Variants in MELK observed in about 807,000 individuals in gnomAD.
The protein encoded by MELK is pEg3 kinase.
MELK carries 81 observed loss-of-function variants against 85.0 expected under a neutral mutation model. The observed-to-expected ratio is 0.95, with a 90% confidence interval of 0.80 to 1.15. MELK has a LOEUF of 1.15. MELK is among the 50% of genes most tolerant of loss of function. The pLI is 0.00. For synonymous variants in MELK, 252 were observed against 265.0 expected (o/e 0.95, Z 0.48); for missense variants, 754 against 777.5 (o/e 0.97, Z 0.36).
At position 36,665,378 on chromosome 9, in the gene MELK, G is replaced by A. The variant is rs747238174; in HGVS notation, c.1205G>A (p.Gly402Glu). 6 of 1,612,898 alleles carry A rather than the reference G, an allele frequency of 3.7e-6. No homozygotes were observed. Among genetic ancestry groups the A allele is most frequent in the Non-Finnish European group, 5.1e-6 (6 of 1,179,446 alleles). The part of the protein sequence containing the change: ...QFTKYWTESN[G>E]VESKSLTPAL... ...ACCAAGTACTGGACAGAATCAAATG[G>A]GGTGGAATCTAAATCATTAACTCCA... The change falls in exon 14 of 18, where the codon GGG becomes GAG. Residue 402 changes from glycine to glutamate, a missense_variant. By Grantham distance (98) the Gly-to-Glu change is moderately conservative (BLOSUM62 -2). Transcript: ENST00000298048.
intron 1 of MELK, among the ~76,000 whole-genome samples, chr9:36,574,532 G>A (rs368969218): frequency 2.6e-5 from 4 of 151,688 alleles, no homozygotes; most frequent in African/African-American, 9.7e-5. Context: ...GAACCCAGGA[G>A]GCGGAGGTTG....
chr9:36,616,387 CTTTT>C (rs60212848), intron 8 of MELK, among the ~76,000 whole-genome samples: 5 of 114,630 alleles, frequency 4.4e-5, no homozygotes, highest in Admixed American at 8.9e-5. Flanking sequence ...ATGTCAAACT[CTTTT>C]TTTTTTTTTT....
chr9:36,673,968 A>G (rs1364330105), intron 16 of MELK, among the ~76,000 whole-genome samples: 4 of 151,808 alleles, frequency 2.6e-5, no homozygotes, highest in Admixed American at 2.0e-4. Flanking sequence ...GTATCACACT[A>G]TGAGAAGCAC....
intron 1 of MELK, among the ~76,000 whole-genome samples, chr9:36,574,563 A>G (rs1821446035): frequency 6.6e-6 from 1 of 151,590 alleles, no homozygotes; most frequent in African/African-American, 2.4e-5. Flanking sequence ...AGATCTAGCT[A>G]CTGCACTCCA....
At chr9:36,674,798 A>C in intron 16 of MELK, 36 bp from the exon 17 acceptor site, 1 of 1,323,204 alleles carries the variant, frequency 7.6e-7, no homozygotes, top group Non-Finnish European at 1.1e-6. Context: ...GTTGATGTAA[A>C]AATTTACTTC....
At chr9:36,626,839 A>T (rs992120016) in intron 8 of MELK, among the ~76,000 whole-genome samples, 27 of 151,764 alleles carry the variant, frequency 1.8e-4, no homozygotes, top group African/African-American at 4.1e-4. Context: ...GGCACCCGTA[A>T]TCCCAGCTAC....
At chr9:36,664,645 C>T (rs951127024) in intron 13 of MELK, among the ~76,000 whole-genome samples, 9 of 152,284 alleles carry the variant, frequency 5.9e-5, no homozygotes, top group Admixed American at 1.3e-4. Context: ...CTTGCCTATT[C>T]CCTTTGAAGA....
At chr9:36,653,126 T>C (rs1021257319) in intron 12 of MELK, among the ~76,000 whole-genome samples, 10 of 152,216 alleles carry the variant, frequency 6.6e-5, no homozygotes, top group Non-Finnish European at 1.2e-4. Context: ...TGTCTCAGTT[T>C]TGTCATGGAC....
intron 2 of MELK, 73 bp downstream of exon 2, chr9:36,581,812 G>A (rs1183930757): frequency 5.7e-6 from 7 of 1,237,522 alleles, no homozygotes; most frequent in Non-Finnish European, 8.1e-6. Flanking sequence ...GGGTAGGTGT[G>A]AGCTTTTTCG....
chr9:36,615,182 C>A (rs1457097085), intron 8 of MELK, among the ~76,000 whole-genome samples: 1 of 144,998 alleles, frequency 6.9e-6, no homozygotes, highest in African/African-American at 2.6e-5. Flanking sequence ...GACGGGGCGG[C>A]TGGCCGGGCG....
chr9:36,642,150 T>C (rs544321840), intron 10 of MELK, among the ~76,000 whole-genome samples: 1 of 152,266 alleles, frequency 6.6e-6, no homozygotes, highest in African/African-American at 2.4e-5. Flanking sequence ...GTATAGAGGC[T>C]CTTACTTATA....
chr9:36,645,785 G>A (rs913784961), intron 11 of MELK, among the ~76,000 whole-genome samples: 5 of 152,132 alleles, frequency 3.3e-5, no homozygotes, highest in East Asian at 1.9e-4. Context: ...AGCCAGAGTC[G>A]AGAAGCAGTG....
chr9:36,636,565 G>A (rs1246614412), intron 10 of MELK, among the ~76,000 whole-genome samples: 2 of 152,038 alleles, frequency 1.3e-5, no homozygotes, highest in African/African-American at 2.4e-5. Flanking sequence ...AGATATTTGG[G>A]CTGGGTTCAG....
At chr9:36,654,349 CTTTTTTTTTTTTT>C (rs34436735) in intron 12 of MELK, among the ~76,000 whole-genome samples, 3 of 84,126 alleles carry the variant, frequency 3.6e-5, no homozygotes, top group African/African-American at 1.3e-4. Flanking sequence ...ATTGGATTGT[CTTTTTTTTTTTTT>C]TTTTTTTTTT....
chr9:36,611,837 G>C (rs955832852), intron 8 of MELK, among the ~76,000 whole-genome samples: 2 of 151,306 alleles, frequency 1.3e-5, no homozygotes, highest in Admixed American at 1.3e-4. Context: ...GCAGTGGTTA[G>C]ATTCGGCTCA....
intron 17 of MELK, 132 bp downstream of exon 17, chr9:36,675,069 T>C: frequency 1.8e-6 from 1 of 547,126 alleles, no homozygotes; most frequent in East Asian, 3.2e-5. Context: ...GCAGATCACT[T>C]GAGGCCAAGA....
chr9:36,621,407 G>C (rs10973002), intron 8 of MELK, among the ~76,000 whole-genome samples: 1 of 134,012 alleles, frequency 7.5e-6, no homozygotes, highest in Non-Finnish European at 1.5e-5. Flanking sequence ...AGATTTTGTA[G>C]ACTTACCCAC....
chr9:36,662,723 C>T (rs1229724940), intron 13 of MELK, among the ~76,000 whole-genome samples: 1 of 152,060 alleles, frequency 6.6e-6, no homozygotes, highest in Non-Finnish European at 1.5e-5. Flanking sequence ...GATATTATTC[C>T]ACTTTCTTCT....
Position 36,585,302 on chromosome 9 carries a change from G to GTTTT in MELK, c.144+1610_144+1613dup, listed in dbSNP as rs869244728. Among the ~76,000 whole-genome samples the GTTTT allele has an allele frequency of 3.0e-3, 232 of 77,822 alleles. 10 individuals carry two copies. Among genetic ancestry groups the GTTTT allele is most frequent in the African/African-American group, 6.4e-3 (112 of 17,378 alleles). 51.1% of individuals were successfully genotyped at this position (77,822 alleles called of 152,430 possible). On this transcript the variant is annotated intron_variant, in intron 3 of 17. Coordinates refer to ENST00000298048, the MANE Select transcript of MELK (RefSeq NM_014791.4). ...TTTCTAATTCCTTCTACCATTCTTT[G>GTTTT]TTTTTTTTTTTTTTTTTTTTTTTGA...
Sources: allele counts gnomAD v4.1 joint callset (sites outside exome capture counted in the v4.1 genomes callset), GRCh38; gene constraint gnomAD v4.1.1; transcripts MANE v1.5; gene names NCBI Gene and HGNC (gene_info 2026-07-23, HGNC 2026-07-21).